The following DNAH6 variants were observed in gnomAD, a reference collection of about 807,000 sequenced individuals.
DNAH6 encodes dynein axonemal heavy chain 6.
Under a neutral mutation model 491.4 loss-of-function variants are expected in DNAH6, and 340 were observed. That is an observed-to-expected ratio of 0.69 (90% confidence interval 0.63 to 0.76). DNAH6 has a LOEUF of 0.76. DNAH6 is among the 30% of genes least tolerant of loss of function. DNAH6 has a pLI of 0.00. For missense variants in DNAH6, 4,443 were observed against 4,972.2 expected (o/e 0.89, Z 3.20); for synonymous variants, 1,603 against 1,686.1 (o/e 0.95, Z 1.21).
At chr2:84,528,633 A>G (rs767859499) in intron 3 of DNAH6, among the ~76,000 whole-genome samples, 4 of 152,006 alleles carry the variant, frequency 2.6e-5, no homozygotes, top group Non-Finnish European at 4.4e-5. Flanking sequence ...TTTTGATGTA[A>G]TAAACATTGA....
rs1365729676 is a variant in DNAH6 at position 84,677,021 on chromosome 2, C to T, written c.6629C>T (p.Ser2210Leu). 11 of 1,551,802 alleles carry T rather than the reference C, an allele frequency of 7.1e-6. No homozygotes were observed. Among genetic ancestry groups the T allele is most frequent in the South Asian group, 2.4e-5 (2 of 84,058 alleles). ...TGCACACAGGATGTAACAATCATATCGGCATGTGCACCTCCAGGCGGTGGC... is the reference window on the plus strand; with the variant it reads ...TGCACACAGGATGTAACAATCATATTGGCATGTGCACCTCCAGGCGGTGGC... The part of the protein sequence containing the change: ...WKEIQDVTII[S>L]ACAPPGGGRN... Residue 2210 changes from serine (S) to leucine (L), a missense_variant, in exon 41 of 77, where the codon TCG becomes TTG. Physicochemically the swap from Ser to Leu is moderately radical, Grantham distance 145. Coordinates refer to ENST00000389394, the MANE Select transcript of DNAH6 (RefSeq NM_001370.2).
the DNAH6 span, among the ~76,000 whole-genome samples, chr2:84,489,449 A>G: frequency 3.7e-4 from 57 of 152,144 alleles, no homozygotes; most frequent in African/African-American, 1.3e-3. Flanking sequence ...CAGGTTTAGT[A>G]AGTATTGAAT....
intron 12 of DNAH6, among the ~76,000 whole-genome samples, chr2:84,575,917 C>T (rs1682396630): frequency 6.6e-6 from 1 of 152,190 alleles, no homozygotes. Context: ...TATTTCTCAA[C>T]TATCGGCTTT....
At chr2:84,789,264 GA>G (rs1208340196) in intron 68 of DNAH6, among the ~76,000 whole-genome samples, 1 of 152,138 alleles carries the variant, frequency 6.6e-6, no homozygotes. Context: ...ATTAACAGCA[GA>G]AACAACAGCC....
At chr2:84,589,066 G>T in intron 16 of DNAH6, 112 bp downstream of exon 16, 1 of 1,005,356 alleles carries the variant, frequency 9.9e-7, no homozygotes, top group Non-Finnish European at 1.4e-6. Context: ...ACAACTATGT[G>T]CTAGTCAGCA....
At chr2:84,672,557 G>T in intron 40 of DNAH6, 73 bp downstream of exon 40, 1 of 1,375,722 alleles carries the variant, frequency 7.3e-7, no homozygotes, top group Non-Finnish European at 9.9e-7. Flanking sequence ...TAGTTTGTGA[G>T]ACTACCATAA....
intron 29 of DNAH6, among the ~76,000 whole-genome samples, chr2:84,631,827 T>A (rs1202622918): frequency 6.6e-6 from 1 of 152,200 alleles, no homozygotes; most frequent in Non-Finnish European, 1.5e-5. Flanking sequence ...TTTAAGCCCT[T>A]CAGTTTATGG....
the DNAH6 span, among the ~76,000 whole-genome samples, chr2:84,485,401 A>ACTGGG: frequency 6.6e-6 from 1 of 152,000 alleles, no homozygotes; most frequent in Admixed American, 6.6e-5. Context: ...AGGGAAGGAG[A>ACTGGG]CTGGGGCCTT....
intron 63 of DNAH6, among the ~76,000 whole-genome samples, chr2:84,751,877 C>T (rs1016286163): frequency 2.6e-5 from 4 of 152,222 alleles, no homozygotes; most frequent in Non-Finnish European, 4.4e-5. Context: ...CAAGTTACCA[C>T]GTGATGCTAA....
chr2:84,761,789 T>TACAC (rs35707461), intron 63 of DNAH6, among the ~76,000 whole-genome samples: 10,496 of 141,768 alleles, frequency 0.074, 392 homozygotes, highest in South Asian at 0.11. Flanking sequence ...CACACACACA[T>TACAC]ACACACACAC....
intron 58 of DNAH6, 107 bp from the exon 59 acceptor site, chr2:84,718,097 C>A: frequency 1.0e-6 from 1 of 956,202 alleles, no homozygotes; most frequent in Admixed American, 3.3e-5. Context: ...TAATGCTCAG[C>A]TGAATAGTAT....
chr2:84,812,194 G>T, intron 72 of DNAH6, 147 bp from the exon 73 acceptor site: 1 of 661,928 alleles, frequency 1.5e-6, no homozygotes, highest in Non-Finnish European at 2.6e-6. Flanking sequence ...ATATTGGAGG[G>T]TCTGGCCCAG....
chr2:84,545,715 A>C (rs1271425424), intron 5 of DNAH6, among the ~76,000 whole-genome samples: 3 of 152,156 alleles, frequency 2.0e-5, no homozygotes, highest in Non-Finnish European at 4.4e-5. Context: ...AGTCGTTTAA[A>C]TATGTATTAA....
chr2:84,517,989 C>A lies in DNAH6; in HGVS notation c.163C>A (p.His55Asn), dbSNP rs112166113. 1.4e-5 allele frequency: 21 copies of A among 1,550,526 alleles called. No individual in the cohort carries two copies. In the African/African-American group the frequency reaches 2.7e-4, roughly 20 times the overall value. The change falls in exon 2 of 77, where the codon CAC becomes AAC. Residue 55 changes from histidine to asparagine, a missense_variant. Coordinates refer to ENST00000389394, the MANE Select transcript of DNAH6 (RefSeq NM_001370.2). The stretch of plus-strand genomic sequence containing the variant: ...TGATACACAAATCCTAACGTTTAGG[C>A]ACATTACAAAAGCTCAGGAGAAGAC... ...ESDTQILTFRHITKAQEKTRK... is the reference protein window; with the variant it reads ...ESDTQILTFRNITKAQEKTRK...
At chr2:84,812,885 C>G (rs1294168458) in intron 73 of DNAH6, among the ~76,000 whole-genome samples, 173 bp from the exon 74 acceptor site, 1 of 152,146 alleles carries the variant, frequency 6.6e-6, no homozygotes, top group African/African-American at 2.4e-5. Context: ...CCACAGTCAT[C>G]AGGCTGGCAG....
rs567272115 is a variant in DNAH6, at chr2:84,816,060, G to A, written c.12350G>A (p.Arg4117Gln). The change falls in exon 76 of 77, where the codon CGG becomes CAG. Residue 4117 changes from arginine (R) to glutamine (Q), a missense_variant. Physicochemically the swap from Arg to Gln is conservative, Grantham distance 43. This residue lies in a region of DNAH6 where 1,463 missense variants were observed against 1,656.6 expected (regional missense o/e 0.88). Transcript: ENST00000389394. The stretch of plus-strand genomic sequence containing the variant: ...TGCCCACTTTATAAAACAGGAGCCC[G>A]GGCAGGAACACTCTCAACCACAGGT... ...YHCPLYKTGA[R>Q]AGTLSTTGHS... The A allele has an allele frequency of 1.5e-4, 228 of 1,551,354 alleles. 1 individual carries two copies. The highest frequency in any genetic ancestry group is 1.9e-4 in the Non-Finnish European group (213 of 1,146,836).
At chr2:84,551,842 G>T (rs1421271926) in intron 9 of DNAH6, among the ~76,000 whole-genome samples, 1 of 152,184 alleles carries the variant, frequency 6.6e-6, no homozygotes, top group Non-Finnish European at 1.5e-5. Flanking sequence ...GAGGTGAGGA[G>T]TTCGAGACCA....
At chr2:84,715,662 GT>G in intron 58 of DNAH6, 35 bp downstream of exon 58, 11 of 1,503,408 alleles carry the variant, frequency 7.3e-6, no homozygotes, top group Non-Finnish European at 1.0e-5. Flanking sequence ...AGGGAAGGGG[GT>G]ATTGTGGGTT....
At position 84,595,709 on chromosome 2, in the gene DNAH6, G is replaced by A. The variant is rs1010926441; in HGVS notation, c.2788G>A (p.Val930Met). ...TCAAGTTTCTAAATATGCTAAATTTGTGACTCAACTGGAAAAAGGCTTGCC... is the reference window on the plus strand; with the variant it reads ...TCAAGTTTCTAAATATGCTAAATTTATGACTCAACTGGAAAAAGGCTTGCC... ...NGQVSKYAKFVTQLEKGLPPN... is the reference protein window; with the variant it reads ...NGQVSKYAKFMTQLEKGLPPN... The change falls in exon 18 of 77, where the codon GTG (valine) becomes ATG (methionine). Residue 930 changes from valine to methionine, a missense_variant. Val to Met is a conservative substitution (Grantham distance 21). Transcript: ENST00000389394. 1 of 1,551,318 alleles carries A rather than the reference G, an allele frequency of 6.4e-7. No homozygotes were observed. The highest frequency in any genetic ancestry group is 1.4e-5 in the African/African-American group (1 of 73,148).
Sources: allele counts gnomAD v4.1 joint callset (sites outside exome capture counted in the v4.1 genomes callset), GRCh38; gene constraint gnomAD v4.1.1; regional missense constraint gnomAD v4.1.1; transcripts MANE v1.5; gene names NCBI Gene and HGNC (gene_info 2026-07-23, HGNC 2026-07-21).